CNBD1: variants seen among roughly 807,000 people sequenced by gnomAD.
CNBD1 encodes cyclic nucleotide binding domain containing 1.
CNBD1 carries 71 observed loss-of-function variants against 54.4 expected under a neutral mutation model. That is an observed-to-expected ratio of 1.30 (90% CI 1.08 to 1.59). The LOEUF (loss-of-function observed/expected upper bound fraction) is 1.59, where lower values mean the gene tolerates loss of function less well. CNBD1 is among the 40% of genes most tolerant of loss of function. CNBD1 has a pLI of 0.00. For missense variants in CNBD1, 659 were observed against 518.0 expected, an observed-to-expected ratio of 1.27 and a Z score of -2.64; for synonymous variants, 182 against 170.7, an observed-to-expected ratio of 1.07 and a Z score of -0.51.
Position 87,410,873 on chromosome 8 carries a change from A to G in CNBD1, c.214-17673A>G, listed in dbSNP as rs557047206. On this transcript the variant is annotated intron_variant, in intron 2 of 7. Coordinates refer to the CNBD1 transcript ENST00000521593. ...ATCTGCAGCTGTTCACATCAAGGAA[A>G]GACCCTCCATCTGCAAAAAGATTAT... Among the ~76,000 whole-genome samples, 256 of 152,262 alleles carry G rather than the reference A, an allele frequency of 1.7e-3. 3 individuals are homozygous for G. In the South Asian group the frequency reaches 0.02, roughly 12 times the overall value.
At chr8:87,345,984 A>G (rs1027188339) in intron 8 of CNBD1, among the ~76,000 whole-genome samples, 2 of 152,268 alleles carry the variant, frequency 1.3e-5, no homozygotes, top group East Asian at 1.9e-4. Flanking sequence ...GTTGTGTTAC[A>G]GTTTCATGGC....
rs536700060 is a variant in CNBD1, at chr8:87,348,078, A to G, written c.1043-3607A>G. 3.3e-5 allele frequency among the ~76,000 whole-genome samples: 5 copies of G among 152,256 alleles called. No individual in the cohort carries two copies. The East Asian group carries it at 9.7e-4, about 29-fold the overall frequency. On this transcript the variant is annotated intron_variant, in intron 8 of 10. Transcript: ENST00000518476. ...GTACATTTATTTTTTTCTTATGCCA[A>G]GTGACAGGTACTTAATATACAAGGG...
At chr8:87,060,998 T>G (rs1157595953) in intron 4 of CNBD1, among the ~76,000 whole-genome samples, 1 of 152,184 alleles carries the variant, frequency 6.6e-6, no homozygotes, top group Non-Finnish European at 1.5e-5. Context: ...CTCAGAAAGT[T>G]AGTGACCTGG....
At chr8:87,424,966 C>T (rs1010043546) in intron 2 of CNBD1, among the ~76,000 whole-genome samples, 10 of 152,108 alleles carry the variant, frequency 6.6e-5, no homozygotes, top group East Asian at 1.9e-4. Flanking sequence ...ACCAATCAGA[C>T]GTAGATTTGG....
In CNBD1 at chr8:87,015,977, C is replaced by CAAAA. The variant is rs58453987; in HGVS notation, c.431+76245_431+76248dup. On this transcript the variant is annotated intron_variant, in intron 4 of 10. Coordinates refer to ENST00000518476, the MANE Select transcript of CNBD1 (RefSeq NM_173538.3). ...CCTGGGAAATAGTGAGAATCCGTCT[C>CAAAA]AAAAAAAAAAAAAAAAAAAAAAAAA... Among the ~76,000 whole-genome samples the CAAAA allele has an allele frequency of 4.0e-3, 225 of 55,930 alleles. 6 individuals are homozygous for CAAAA. Among genetic ancestry groups the CAAAA allele is most frequent in the African/African-American group, 0.013 (185 of 14,420 alleles). The allele number at this position is 55,930 out of a possible 152,430, so 36.7% of individuals were successfully genotyped here. A position where few individuals can be genotyped will look rare whatever the true frequency, so the allele number is the denominator to read the frequency against.
rs182072365 is a variant in CNBD1, at chr8:87,371,278, G to T, written c.1304-11342G>T. 7.8e-3 allele frequency among the ~76,000 whole-genome samples: 1,185 copies of T among 152,072 alleles called. 9 individuals carry two copies. The highest frequency in any genetic ancestry group is 0.014 in the South Asian group (66 of 4,830). On this transcript the variant is annotated intron_variant, in intron 10 of 10. Coordinates refer to ENST00000518476, the MANE Select transcript of CNBD1 (RefSeq NM_173538.3). ...ATTTCTGTGAGGAAAGTCATTGGTA[G>T]CTTGATGGGGATGGCATTGAATCTA... is the stretch of plus-strand genomic sequence containing the variant.
chr8:87,348,887 C>T (rs992351784), intron 8 of CNBD1, among the ~76,000 whole-genome samples: 2 of 152,076 alleles, frequency 1.3e-5, no homozygotes, highest in South Asian at 2.1e-4. Context: ...AGGAACAAGG[C>T]CTGATGTTTA....
At chr8:87,328,560 T>G (rs115264624) in intron 8 of CNBD1, among the ~76,000 whole-genome samples, 3,277 of 152,104 alleles carry the variant, frequency 0.022, 130 homozygotes, top group African/African-American at 0.074. Flanking sequence ...CTTCTTCTTT[T>G]TTATCAAGAT....
chr8:86,947,583 C>G (rs1807497880), intron 4 of CNBD1, among the ~76,000 whole-genome samples: 1 of 152,020 alleles, frequency 6.6e-6, no homozygotes, highest in African/African-American at 2.4e-5. Flanking sequence ...TTACCATATT[C>G]TTGTTAAAAG....
At chr8:87,327,536 C>T (rs13275326) in intron 8 of CNBD1, among the ~76,000 whole-genome samples, 57,982 of 152,112 alleles carry the variant, frequency 0.38, 11,341 homozygotes, top group Middle Eastern at 0.46. Flanking sequence ...GTCTGAAAAG[C>T]GCAATATTCG....
At chr8:87,168,785 C>G (rs536368920) in intron 4 of CNBD1, among the ~76,000 whole-genome samples, 14 of 151,966 alleles carry the variant, frequency 9.2e-5, no homozygotes, top group Non-Finnish European at 1.8e-4. Flanking sequence ...TATGGATGAA[C>G]AGTACTCCAC....
intron 4 of CNBD1, among the ~76,000 whole-genome samples, chr8:87,194,403 G>A (rs1813672897): frequency 2.0e-5 from 3 of 152,182 alleles, no homozygotes; most frequent in African/African-American, 7.2e-5. Flanking sequence ...TGTTTCAGTT[G>A]TAAAAATAGA....
rs200342973 is a variant in CNBD1 at position 87,353,724 on chromosome 8, C to T, written c.1241C>T (p.Thr414Met). The part of the protein sequence containing the change: ...EISVLLQVPF[T>M]CTIITKKEVE... Reference sequence around the variant, plus strand: ...AGCGTCCTTCTTCAAGTTCCTTTCACGTGCACAATCATTACCAAAAAAGAA... The same window carrying T: ...AGCGTCCTTCTTCAAGTTCCTTTCATGTGCACAATCATTACCAAAAAAGAA... The change falls in exon 10 of 11, where the codon ACG becomes ATG. Residue 414 changes from threonine to methionine, a missense_variant. Thr to Met is a moderately conservative substitution (Grantham distance 81). Coordinates refer to ENST00000518476, the MANE Select transcript of CNBD1 (RefSeq NM_173538.3). 672 of 1,611,322 alleles carry T rather than the reference C, an allele frequency of 4.2e-4. 1 individual carries two copies. The highest frequency in any genetic ancestry group is 5.4e-4 in the Non-Finnish European group (642 of 1,178,588).
At chr8:87,013,023 T>G (rs1219499312) in intron 4 of CNBD1, among the ~76,000 whole-genome samples, 1 of 152,310 alleles carries the variant, frequency 6.6e-6, no homozygotes, top group African/African-American at 2.4e-5. Flanking sequence ...TTTGACTCTT[T>G]TTGTCAACAA....
rs1365510903 is a variant in CNBD1 at position 87,421,988 on chromosome 8, C to A, written c.214-6558C>A. ...CATTCTAACTGGTATGAGATGGTAT[C>A]TCATTGTGGTTTTGATTTGCATTTC... On this transcript the variant is annotated intron_variant, in intron 2 of 7. Coordinates refer to the CNBD1 transcript ENST00000521593. 2.7e-5 allele frequency among the ~76,000 whole-genome samples: 4 copies of A among 149,906 alleles called. No homozygotes were observed. The East Asian group carries it at 7.7e-4, about 29-fold the overall frequency.
At chr8:87,343,215 C>T (rs1157215978) in intron 8 of CNBD1, among the ~76,000 whole-genome samples, 4 of 152,092 alleles carry the variant, frequency 2.6e-5, no homozygotes, top group Admixed American at 6.6e-5. Flanking sequence ...GCAGTTATTC[C>T]GTTCTTTTTT....
At chr8:87,373,740 CAAAACAACCAAATGTTATATGA>C (rs1297078099) in intron 10 of CNBD1, among the ~76,000 whole-genome samples, 1 of 151,572 alleles carries the variant, frequency 6.6e-6, no homozygotes. Context: ...ATATCAAGTT[CAAAACAACCAAATGTTATATGA>C]AGAAAAAGTG....
At chr8:87,106,420 AG>A (rs1164830984) in intron 4 of CNBD1, among the ~76,000 whole-genome samples, 1 of 152,158 alleles carries the variant, frequency 6.6e-6, no homozygotes, top group Non-Finnish European at 1.5e-5. Flanking sequence ...CAAGCAGGAC[AG>A]GCTGGTCTAG....
intron 4 of CNBD1, among the ~76,000 whole-genome samples, chr8:87,014,882 A>AT (rs1250106131): frequency 6.6e-6 from 1 of 152,024 alleles, no homozygotes; most frequent in East Asian, 1.9e-4. Context: ...AAGAAAAATT[A>AT]TTTTATACAA....
Sources: allele counts gnomAD v4.1 joint callset (sites outside exome capture counted in the v4.1 genomes callset), GRCh38; gene constraint gnomAD v4.1.1; transcripts MANE v1.5; gene names NCBI Gene and HGNC (gene_info 2026-07-23, HGNC 2026-07-21).